The following SLC29A3 variants were observed in gnomAD, a reference collection of about 807,000 sequenced individuals.
The protein encoded by SLC29A3 is equilibrative nucleoside transporter 3.
A neutral mutation model predicts 25.4 loss-of-function variants in SLC29A3; 18 were observed. The observed-to-expected ratio is 0.71, with a 90% confidence interval of 0.49 to 1.05. The LOEUF (loss-of-function observed/expected upper bound fraction) is 1.05, where lower values mean the gene tolerates loss of function less well. Ranked by LOEUF, SLC29A3 falls within the 50% of genes least tolerant of loss-of-function variation. SLC29A3 has a pLI of 0.00. For missense variants in SLC29A3, 586 were observed against 609.0 expected (o/e 0.96, Z 0.40); for synonymous variants, 258 against 267.1 (o/e 0.97, Z 0.33).
At position 71,363,258 on chromosome 10, in the gene SLC29A3, C is replaced by CA. The variant is rs564371527; in HGVS notation, c.*657dup. Reference sequence around the variant, plus strand: ...ATCAAGCATGTCTGGCCTGGGTTTTCAAAAAAAGAGGGATCCTCATGACCT... The same window carrying CA: ...ATCAAGCATGTCTGGCCTGGGTTTTCAAAAAAAAGAGGGATCCTCATGACCT... On this transcript the variant is annotated 3_prime_UTR_variant, in exon 6 of 6. Coordinates refer to ENST00000373189, the MANE Select transcript of SLC29A3 (RefSeq NM_018344.6). The CA allele has an allele frequency of 2.0e-3, 909 of 453,670 alleles. 5 individuals carry two copies. The highest frequency in any genetic ancestry group is 8.3e-3 in the Middle Eastern group (12 of 1,442). 28.1% of individuals were successfully genotyped at this position (453,670 alleles called of 1,614,324 possible). A position where few individuals can be genotyped will look rare whatever the true frequency, so the allele number is the denominator to read the frequency against.
intron 4 of SLC29A3, among the ~76,000 whole-genome samples, chr10:71,353,490 G>A (rs1207010827): frequency 3.3e-5 from 5 of 152,154 alleles, no homozygotes; most frequent in African/African-American, 9.7e-5. Flanking sequence ...AGCGGTCCTC[G>A]GGTTAATCTG....
chr10:71,349,829 C>T (rs1846703566), intron 3 of SLC29A3, among the ~76,000 whole-genome samples: 1 of 152,190 alleles, frequency 6.6e-6, no homozygotes, highest in Non-Finnish European at 1.5e-5. Context: ...TCCCATTCGT[C>T]GTTACCATCC....
intron 3 of SLC29A3, among the ~76,000 whole-genome samples, chr10:71,370,018 G>C (rs780694): frequency 0.77 from 116,925 of 152,138 alleles, 45,775 homozygotes; most frequent in Non-Finnish European, 0.85. Context: ...GAACTTGTCC[G>C]GTGTGAGGGA....
intron 2 of SLC29A3, among the ~76,000 whole-genome samples, chr10:71,333,144 T>G (rs1323138874): frequency 6.6e-6 from 1 of 152,092 alleles, no homozygotes; most frequent in Non-Finnish European, 1.5e-5. Flanking sequence ...TAAATTAGAG[T>G]CTCCACCAAG....
At chr10:71,324,747 A>G (rs1845927053) in intron 2 of SLC29A3, among the ~76,000 whole-genome samples, 1 of 152,136 alleles carries the variant, frequency 6.6e-6, no homozygotes, top group Admixed American at 6.5e-5. Context: ...CCCTGAGTAT[A>G]TGGAGGGACA....
At position 71,322,932 on chromosome 10, in the gene SLC29A3, C is replaced by T. The variant is rs764114110; in HGVS notation, c.178C>T (p.Leu60=). The change falls in exon 2 of 6, where the codon CTG becomes TTG. Residue 60 remains leucine (L), a synonymous_variant. Coordinates refer to ENST00000373189, the MANE Select transcript of SLC29A3 (RefSeq NM_018344.6). ...FCGTYIIFFS[L]GIGSLLPWNF... is the part of the protein sequence containing the mutation. ...TGGCACATACATCATCTTCTTCAGC[C>T]TGGGCATTGGCAGTCTACTGCCATG... 4 of 1,614,106 alleles carry T rather than the reference C, an allele frequency of 2.5e-6. No individual in the cohort carries two copies. The highest frequency in any genetic ancestry group is 2.7e-5 in the African/African-American group (2 of 74,948).
chr10:71,350,397 A>G (rs1028458858), intron 3 of SLC29A3, among the ~76,000 whole-genome samples: 3 of 151,482 alleles, frequency 2.0e-5, no homozygotes, highest in Non-Finnish European at 4.4e-5. Flanking sequence ...AAAAAAAAGT[A>G]TGTAATCTGG....
chr10:71,358,293 C>G (rs1005941536), intron 5 of SLC29A3, among the ~76,000 whole-genome samples: 1 of 152,186 alleles, frequency 6.6e-6, no homozygotes, highest in African/African-American at 2.4e-5. Flanking sequence ...AGCCTTTCAG[C>G]AGAACAGCGA....
At chr10:71,371,250 G>C (rs1487599571) in intron 3 of SLC29A3, among the ~76,000 whole-genome samples, 1 of 152,184 alleles carries the variant, frequency 6.6e-6, no homozygotes, top group Non-Finnish European at 1.5e-5. Context: ...AAGGATGTGA[G>C]GTCCTCTTCC....
intron 3 of SLC29A3, among the ~76,000 whole-genome samples, chr10:71,346,527 T>C (rs1646636834): frequency 6.6e-6 from 1 of 152,152 alleles, no homozygotes; most frequent in African/African-American, 2.4e-5. Context: ...AGCAAGATAC[T>C]GTTTCTACAA....
At chr10:71,337,106 G>T (rs1846273031) in intron 2 of SLC29A3, among the ~76,000 whole-genome samples, 1 of 152,160 alleles carries the variant, frequency 6.6e-6, no homozygotes, top group Admixed American at 6.5e-5. Context: ...CTTCAGCCTG[G>T]CTGCATCTAG....
chr10:71,367,095 C>T (rs1847176538), downstream of SLC29A3, among the ~76,000 whole-genome samples: 1 of 152,142 alleles, frequency 6.6e-6, no homozygotes, highest in Non-Finnish European at 1.5e-5. Flanking sequence ...GTCTCTCATG[C>T]TGTGTTGTAG....
chr10:71,329,692 G>C (rs565914203), intron 2 of SLC29A3, among the ~76,000 whole-genome samples: 1 of 152,284 alleles, frequency 6.6e-6, no homozygotes, highest in Middle Eastern at 3.4e-3. Context: ...CCAGGAGTTC[G>C]AGTTCAGACT....
intron 3 of SLC29A3, among the ~76,000 whole-genome samples, chr10:71,372,361 C>G (rs781109969): frequency 4.6e-5 from 7 of 152,202 alleles, no homozygotes; most frequent in Non-Finnish European, 1.0e-4. Flanking sequence ...AACTGAGATT[C>G]AAACCCAGGT....
intron 4 of SLC29A3, among the ~76,000 whole-genome samples, chr10:71,376,483 C>T (rs750462989): frequency 6.6e-6 from 1 of 152,172 alleles, no homozygotes. Flanking sequence ...AACTATTATA[C>T]CTCTTAGATT....
At chr10:71,363,933 T>C (rs1021605588), downstream of SLC29A3, among the ~76,000 whole-genome samples, 1 of 150,036 alleles carries the variant, frequency 6.7e-6, no homozygotes, top group East Asian at 2.0e-4. Context: ...CCCCAGGGGG[T>C]TGTGCATTCT....
rs1300416691 is a variant in SLC29A3, at chr10:71,362,231, A to G, written c.1051A>G (p.Thr351Ala). Residue 351 changes from threonine (T) to alanine (A), a missense_variant, in exon 6 of 6, where the codon ACC (threonine) becomes GCC (alanine). Thr to Ala is a moderately conservative substitution (Grantham distance 58). Coordinates refer to ENST00000373189, the MANE Select transcript of SLC29A3 (RefSeq NM_018344.6). ...CACCAAGTTTTTCATCCCCCTCACT[A>G]CCTTCCTCCTGTACAACTTTGCTGA... The part of the protein sequence containing the change: ...WTTKFFIPLT[T>A]FLLYNFADLC... 3.1e-6 allele frequency: 5 copies of G among 1,613,526 alleles called. No homozygotes were observed. Among genetic ancestry groups the G allele is most frequent in the East Asian group, 2.2e-5 (1 of 44,838 alleles).
At chr10:71,360,877 G>A (rs188358934) in intron 5 of SLC29A3, among the ~76,000 whole-genome samples, 1 of 152,224 alleles carries the variant, frequency 6.6e-6, no homozygotes, top group Admixed American at 6.5e-5. Flanking sequence ...ACATGTTCCT[G>A]TGTAGAAGGA....
rs778220651 is a variant in SLC29A3, at chr10:71,323,093, A to AC, written c.300+40dup. The AC allele has an allele frequency of 2.5e-6, 4 of 1,609,818 alleles. No homozygotes were observed. The Admixed American group carries it at 6.7e-5, about 27-fold the overall frequency. ...TCTCCTGCAAGGCTGGTGGGAGCAT[A>AC]CAGAGGCCTCATGCCTCACATGCAG... is the stretch of plus-strand genomic sequence containing the variant. On this transcript the variant is annotated intron_variant, in intron 2 of 5. Transcript: ENST00000373189.
Sources: gnomAD v4.1 joint callset for allele counts (sites outside exome capture counted in the v4.1 genomes callset) on GRCh38, gnomAD v4.1.1 for gene constraint, MANE v1.5 for transcripts, NCBI Gene and HGNC (gene_info 2026-07-23, HGNC 2026-07-21) for gene names.